Variants in AHCY observed in about 807,000 individuals in gnomAD.
AHCY encodes the protein S-adenosyl-L-homocysteine hydrolase.
AHCY carries 24 observed loss-of-function variants against 45.4 expected under a neutral mutation model. That is an observed-to-expected ratio of 0.53 (90% CI 0.38 to 0.74). AHCY has a LOEUF of 0.74. AHCY is among the 30% of genes least tolerant of loss of function. The pLI is 0.00. For synonymous variants in AHCY, 245 were observed against 235.1 expected (o/e 1.04, Z -0.39); for missense variants, 449 against 594.1 (o/e 0.76, Z 2.54).
At chr20:34,241,902 C>T in the AHCY span, among the ~76,000 whole-genome samples, 4 of 152,274 alleles carry the variant, frequency 2.6e-5, no homozygotes, top group African/African-American at 7.2e-5. Context: ...TCAGTCTGCA[C>T]GTGTAGCATT....
upstream of AHCY, among the ~76,000 whole-genome samples, chr20:34,307,518 A>G (rs112310554): frequency 0.13 from 19,127 of 152,198 alleles, 1,624 homozygotes; most frequent in Middle Eastern, 0.22. Flanking sequence ...GATTACAGGC[A>G]CATGCCACCG....
chr20:34,259,964 T>C, the AHCY span, among the ~76,000 whole-genome samples: 1 of 151,970 alleles, frequency 6.6e-6, no homozygotes, highest in Non-Finnish European at 1.5e-5. Context: ...ATTCTGTACA[T>C]CTTAATAAAA....
chr20:34,232,140 G>T, the AHCY span, among the ~76,000 whole-genome samples: 1 of 152,192 alleles, frequency 6.6e-6, no homozygotes, highest in South Asian at 2.1e-4. Flanking sequence ...CACTGAGTTT[G>T]GGGAACCCAC....
chr20:34,294,720 T>C (rs1010480223), intron 2 of AHCY, among the ~76,000 whole-genome samples: 12 of 152,148 alleles, frequency 7.9e-5, no homozygotes, highest in African/African-American at 2.9e-4. Context: ...AGATGAGTAC[T>C]AGACCTCCAG....
Position 34,280,383 on chromosome 20 carries a change from T to G in AHCY, c.*651A>C, listed in dbSNP as rs2035962486. 1 of 153,494 alleles carries G rather than the reference T, an allele frequency of 6.5e-6. No homozygotes were observed. Among genetic ancestry groups the G allele is most frequent in the Non-Finnish European group, 1.5e-5 (1 of 68,944 alleles). The allele number at this position is 153,494 out of a possible 1,614,324, so 9.5% of individuals were successfully genotyped here. A position where few individuals can be genotyped will look rare whatever the true frequency, so the allele number is the denominator to read the frequency against. On this transcript the variant is annotated 3_prime_UTR_variant, in exon 10 of 10. Coordinates refer to ENST00000217426, the MANE Select transcript of AHCY (RefSeq NM_000687.4). ...AAGGAACCATCTGGTTATAAAGTGG[T>G]GGCAGATTTCACGAAATCTGCCTGC...
At chr20:34,262,330 C>T in the AHCY span, among the ~76,000 whole-genome samples, 1 of 152,080 alleles carries the variant, frequency 6.6e-6, no homozygotes, top group Non-Finnish European at 1.5e-5. Context: ...AGTAAGTTAC[C>T]CACAGCCACA....
At chr20:34,285,961 C>T (rs1338701630) in intron 8 of AHCY, 8 of 338,442 alleles carry the variant, frequency 2.4e-5, no homozygotes, top group African/African-American at 4.3e-5. Flanking sequence ...AAAAATTAGC[C>T]GGGCGTGGTA....
At chr20:34,260,009 C>G in the AHCY span, among the ~76,000 whole-genome samples, 1 of 152,002 alleles carries the variant, frequency 6.6e-6, no homozygotes, top group African/African-American at 2.4e-5. Context: ...GGGGGCCTTT[C>G]AACAACTCTG....
chr20:34,290,222 C>T lies in AHCY; in HGVS notation c.972+110G>A. ...GGCTCTGATGCTAGGCCCTCTTCTC[C>T]CCATCCCCCTGCACAGGTTGCCACC... On this transcript the variant is annotated intron_variant, in intron 8 of 9. Coordinates refer to ENST00000217426, the MANE Select transcript of AHCY (RefSeq NM_000687.4). The surrounding 1 kb of genome is among the most constrained non-coding windows in gnomAD (Gnocchi z 4.5). The T allele has an allele frequency of 1.9e-6, 2 of 1,071,904 alleles. No homozygotes were observed. The highest frequency in any genetic ancestry group is 1.4e-6 in the Non-Finnish European group (1 of 697,554). The allele number at this position is 1,071,904 out of a possible 1,614,324, so 66.4% of individuals were successfully genotyped here.
At chr20:34,235,894 GAA>G in the AHCY span, among the ~76,000 whole-genome samples, 1 of 85,012 alleles carries the variant, frequency 1.2e-5, no homozygotes, top group Non-Finnish European at 2.0e-5. Context: ...AGGAAGGAAG[GAA>G]GGAAAGGAAG....
chr20:34,273,382 T>C, the AHCY span, among the ~76,000 whole-genome samples: 1 of 152,216 alleles, frequency 6.6e-6, no homozygotes, highest in Non-Finnish European at 1.5e-5. Context: ...TTTCACTTTG[T>C]AAACATGGAA....
the AHCY span, chr20:34,269,218 C>T: frequency 4.2e-6 from 6 of 1,437,612 alleles, no homozygotes; most frequent in South Asian, 1.5e-5. Flanking sequence ...ACGCGGGGCG[C>T]TTCTCGGGCG....
chr20:34,264,298 T>G, the AHCY span, among the ~76,000 whole-genome samples: 1 of 152,196 alleles, frequency 6.6e-6, no homozygotes, highest in Non-Finnish European at 1.5e-5. Context: ...ATTGTGAAGA[T>G]ACCTCCTGTT....
intron 3 of AHCY, 144 bp downstream of exon 3, chr20:34,293,937 G>A (rs532233144): frequency 7.3e-6 from 6 of 817,686 alleles, no homozygotes; most frequent in African/African-American, 3.4e-5. Flanking sequence ...GCTCTTTCCT[G>A]TGGGGTCGCT....
At chr20:34,268,988 C>T in the AHCY span, 1 of 1,601,442 alleles carries the variant, frequency 6.2e-7, no homozygotes, top group East Asian at 2.3e-5. Flanking sequence ...GTTTCCCACG[C>T]AGAAGGAGGC....
At chr20:34,298,421 T>C (rs1283376634) in intron 1 of AHCY, among the ~76,000 whole-genome samples, 3 of 152,066 alleles carry the variant, frequency 2.0e-5, no homozygotes, top group South Asian at 4.2e-4. Context: ...TAGTGAGGTG[T>C]GACCAGAAGA....
the AHCY span, among the ~76,000 whole-genome samples, chr20:34,271,436 T>C: frequency 3.0e-4 from 46 of 152,292 alleles, no homozygotes; most frequent in African/African-American, 1.0e-3. Context: ...CTCACACACA[T>C]AGGGTGAACT....
At chr20:34,240,738 T>A in the AHCY span, among the ~76,000 whole-genome samples, 1 of 152,316 alleles carries the variant, frequency 6.6e-6, no homozygotes, top group Admixed American at 6.5e-5. Flanking sequence ...GACTGTTTTA[T>A]TCCGTCTCTT....
chr20:34,289,715 T>C (rs2036308724), intron 8 of AHCY, among the ~76,000 whole-genome samples: 1 of 151,994 alleles, frequency 6.6e-6, no homozygotes, highest in Non-Finnish European at 1.5e-5. Flanking sequence ...TGACCTCATG[T>C]GATCCGCCCG....
Sources: allele counts gnomAD v4.1 joint callset (sites outside exome capture counted in the v4.1 genomes callset), GRCh38; gene constraint gnomAD v4.1.1; non-coding constraint Gnocchi (gnomAD v3.1); transcripts MANE v1.5; gene names NCBI Gene and HGNC (gene_info 2026-07-23, HGNC 2026-07-21).